Variants in ST8SIA3 observed in about 807,000 individuals in gnomAD.
ST8SIA3 encodes ST8 alpha-N-acetyl-neuraminide alpha-2,8-sialyltransferase 3.
In ST8SIA3, 17 loss-of-function variants were observed where a neutral mutation model predicts 34.5. The ratio of observed to expected loss-of-function variants is 0.49; its 90% CI spans 0.34 to 0.74. The LOEUF (loss-of-function observed/expected upper bound fraction) is 0.74. Among genes scored for constraint, ST8SIA3 ranks in the 30% least tolerant of loss-of-function variants. ST8SIA3 has a pLI of 0.01. For synonymous variants in ST8SIA3, 172 were observed against 176.1 expected (o/e 0.98, Z 0.19); for missense variants, 354 against 467.8 (o/e 0.76, Z 2.24).
Position 57,364,566 on chromosome 18 carries a change from T to C in ST8SIA3, c.*4289T>C, listed in dbSNP as rs1225906894. ...CACAAGTTTCTGTTTAAGCCTCTGC[T>C]TCTCCCTGAATGTGTAGAACTGTCA... is the stretch of plus-strand genomic sequence containing the variant. On this transcript the variant is annotated 3_prime_UTR_variant, in exon 4 of 4. Transcript: ENST00000324000. 1 of 152,270 alleles carries C rather than the reference T, an allele frequency of 6.6e-6. No individual in the cohort carries two copies. Among genetic ancestry groups the C allele is most frequent in the Non-Finnish European group, 1.5e-5 (1 of 68,046 alleles). The allele number at this position is 152,270 out of a possible 1,614,324, so 9.4% of individuals were successfully genotyped here.
Position 57,357,252 on chromosome 18 carries a change from C to G in ST8SIA3, c.642C>G (p.Ile214Met). The change falls in exon 3 of 4, where the codon ATC becomes ATG. Residue 214 changes from isoleucine (I) to methionine (M), a missense_variant. Ile to Met is a conservative substitution (Grantham distance 10). Coordinates refer to ENST00000324000, the MANE Select transcript of ST8SIA3 (RefSeq NM_015879.3). ...KTNLTTFNPS[I>M]LEKYYNNLLT... ...ATCTTACCACCTTCAACCCCAGCAT[C>G]CTGGAAAAATATTACAACAATCTCT... is the stretch of plus-strand genomic sequence containing the variant. 2 of 1,614,172 alleles carry G rather than the reference C, an allele frequency of 1.2e-6. No homozygotes were observed. The highest frequency in any genetic ancestry group is 1.7e-6 in the Non-Finnish European group (2 of 1,180,002).
rs1176066296 is a variant in ST8SIA3, at chr18:57,366,177, T to C, written c.*5900T>C. ...AATTTTTAAGTCAGTGAGTACCAAATAGGAGAGGCTAGCAGAGGCTTTGGA... is the reference window on the plus strand; with the variant it reads ...AATTTTTAAGTCAGTGAGTACCAAACAGGAGAGGCTAGCAGAGGCTTTGGA... On this transcript the variant is annotated 3_prime_UTR_variant, in exon 4 of 4. Transcript: ENST00000324000. 6.6e-6 allele frequency: 1 copy of C among 152,164 alleles called. No homozygotes were observed. Among genetic ancestry groups the C allele is most frequent in the Non-Finnish European group, 1.5e-5 (1 of 68,024 alleles). The allele number at this position is 152,164 out of a possible 1,614,324, so 9.4% of individuals were successfully genotyped here.
In ST8SIA3 at chr18:57,356,998, G is replaced by T; in HGVS notation, c.388G>T (p.Asp130Tyr). The T allele has an allele frequency of 6.2e-7, 1 of 1,613,990 alleles. No individual in the cohort carries two copies. The highest frequency in any genetic ancestry group is 2.2e-5 in the East Asian group (1 of 44,884). Residue 130 changes from aspartate (D) to tyrosine (Y), a missense_variant, in exon 3 of 4, where the codon GAT becomes TAT. Transcript: ENST00000324000. Reference protein sequence around the residue: ...SVRIGQLMHYDYSSHKYVFSI... With the variant: ...SVRIGQLMHYYYSSHKYVFSI... Reference sequence around the variant, plus strand: ...TCGGATTGGACAACTGATGCACTATGATTATTCCAGCCATAAATATGTTTT... The same window carrying T: ...TCGGATTGGACAACTGATGCACTATTATTATTCCAGCCATAAATATGTTTT...
chr18:57,361,224 T>G lies in ST8SIA3; in HGVS notation c.*947T>G, dbSNP rs2049828594. On this transcript the variant is annotated 3_prime_UTR_variant, in exon 4 of 4. Transcript: ENST00000324000. ...CTAGGCTGGGTGTTCTCTCAGAATA[T>G]AGAGGCAATGAATCAGCTTAAGACC... 6.6e-6 allele frequency: 1 copy of G among 152,184 alleles called. No homozygotes were observed. Among genetic ancestry groups the G allele is most frequent in the East Asian group, 1.9e-4 (1 of 5,188 alleles). 9.4% of individuals were successfully genotyped at this position (152,184 alleles called of 1,614,324 possible).
Position 57,360,549 on chromosome 18 carries a change from G to T in ST8SIA3, c.*272G>T. 1 of 410,114 alleles carries T rather than the reference G, an allele frequency of 2.4e-6. No individual in the cohort carries two copies. Among genetic ancestry groups the T allele is most frequent in the Non-Finnish European group, 4.4e-6 (1 of 229,178 alleles). The allele number at this position is 410,114 out of a possible 1,614,324, so 25.4% of individuals were successfully genotyped here. A position where few individuals can be genotyped will look rare whatever the true frequency, so the allele number is the denominator to read the frequency against. ...ACGAAATGGTTTGAAGTATTTTCAT[G>T]TTTGGATTTTAATAATAAACTGCCT... On this transcript the variant is annotated 3_prime_UTR_variant, in exon 4 of 4. Coordinates refer to ENST00000324000, the MANE Select transcript of ST8SIA3 (RefSeq NM_015879.3).
At position 57,362,497 on chromosome 18, in the gene ST8SIA3, C is replaced by A. The variant is rs796338629; in HGVS notation, c.*2220C>A. 3.9e-5 allele frequency: 6 copies of A among 152,134 alleles called. No homozygotes were observed. Among genetic ancestry groups the A allele is most frequent in the Non-Finnish European group, 8.8e-5 (6 of 68,034 alleles). The allele number at this position is 152,134 out of a possible 1,614,324, so 9.4% of individuals were successfully genotyped here. ...AAACAGTTTACTGTTCTGTAGTGGA[C>A]AATTTAAATTTTATCTCATCATAAT... On this transcript the variant is annotated 3_prime_UTR_variant, in exon 4 of 4. Coordinates refer to ENST00000324000, the MANE Select transcript of ST8SIA3 (RefSeq NM_015879.3).
At chr18:57,358,759 CAA>C (rs1469189574) in intron 3 of ST8SIA3, among the ~76,000 whole-genome samples, 1 of 152,138 alleles carries the variant, frequency 6.6e-6, no homozygotes, top group Non-Finnish European at 1.5e-5. Flanking sequence ...GTTATTTACC[CAA>C]AGTCACTGCC....
chr18:57,354,426 A>G lies in ST8SIA3; in HGVS notation c.204A>G (p.Leu68=). The change falls in exon 2 of 4, where the codon CTA becomes CTG. Residue 68 remains leucine (L), a synonymous_variant. Transcript: ENST00000324000. ...GGTCACAATTTGCGCTGAAGTTTCT[A>G]GACCCGTCATTCGTGCCCATTACGA... is the stretch of plus-strand genomic sequence containing the variant. ...GFRSQFALKF[L]DPSFVPITNS... 6.2e-7 allele frequency: 1 copy of G among 1,614,172 alleles called. No individual in the cohort carries two copies. The highest frequency in any genetic ancestry group is 8.5e-7 in the Non-Finnish European group (1 of 1,180,012).
intron 3 of ST8SIA3, among the ~76,000 whole-genome samples, 169 bp from the exon 4 acceptor site, chr18:57,359,826 G>A (rs1415378486): frequency 6.6e-6 from 1 of 152,154 alleles, no homozygotes; most frequent in African/African-American, 2.4e-5. Context: ...CACAAATTAT[G>A]TAACCAGTTG....
At chr18:57,359,289 C>G (rs2049816113) in intron 3 of ST8SIA3, among the ~76,000 whole-genome samples, 1 of 152,080 alleles carries the variant, frequency 6.6e-6, no homozygotes, top group African/African-American at 2.4e-5. Context: ...GGACTAATAA[C>G]TATAATTTAT....
At chr18:57,356,776 C>T (rs2049800012) in intron 2 of ST8SIA3, 137 bp from the exon 3 acceptor site, 2 of 612,942 alleles carry the variant, frequency 3.3e-6, no homozygotes, top group Admixed American at 3.1e-5. Context: ...CTTCAAGGAC[C>T]ACAATTATGT....
intron 1 of ST8SIA3, 61 bp from the exon 2 acceptor site, chr18:57,354,341 G>A: frequency 1.2e-6 from 2 of 1,606,436 alleles, no homozygotes; most frequent in South Asian, 2.2e-5. Context: ...CACTTTAATG[G>A]CTACCTCGGC....
rs2049833762 is a variant in ST8SIA3 at position 57,361,968 on chromosome 18, T to C, written c.*1691T>C. 6.6e-6 allele frequency: 1 copy of C among 152,222 alleles called. No individual in the cohort carries two copies. Among genetic ancestry groups the C allele is most frequent in the Admixed American group, 6.5e-5 (1 of 15,284 alleles). 9.4% of individuals were successfully genotyped at this position (152,222 alleles called of 1,614,324 possible). A position where few individuals can be genotyped will look rare whatever the true frequency, so the allele number is the denominator to read the frequency against. ...ATATGGTAAGGAAAGACACTATCGT[T>C]ATGCTCACGTTCTGCCTGGTCCTAA... On this transcript the variant is annotated 3_prime_UTR_variant, in exon 4 of 4. Transcript: ENST00000324000.
chr18:57,357,974 GAAGA>G (rs1568101622), intron 3 of ST8SIA3, among the ~76,000 whole-genome samples: 1 of 152,186 alleles, frequency 6.6e-6, no homozygotes, highest in African/African-American at 2.4e-5. Flanking sequence ...GCAAAAACAT[GAAGA>G]AAGTATTTTA....
intron 1 of ST8SIA3, among the ~76,000 whole-genome samples, chr18:57,353,497 C>T (rs1000572476): frequency 5.3e-5 from 8 of 152,292 alleles, no homozygotes; most frequent in African/African-American, 1.7e-4. Flanking sequence ...TCCTCCTTTA[C>T]TCCCCCACGC....
At position 57,367,176 on chromosome 18, in the gene ST8SIA3, C is replaced by T; in HGVS notation, c.*6899C>T. The stretch of plus-strand genomic sequence containing the variant: ...ATTAGATCATGAAGGACCAAATCTA[C>T]TTCCGTTGCTATAATAAAATACCCT... On this transcript the variant is annotated 3_prime_UTR_variant, in exon 4 of 4. Transcript: ENST00000324000. The T allele has an allele frequency of 6.6e-6, 1 of 152,220 alleles. No homozygotes were observed. The highest frequency in any genetic ancestry group is 1.9e-4 in the East Asian group (1 of 5,204). 9.4% of individuals were successfully genotyped at this position (152,220 alleles called of 1,614,324 possible). A position where few individuals can be genotyped will look rare whatever the true frequency, so the allele number is the denominator to read the frequency against.
In ST8SIA3 at chr18:57,352,838, C is replaced by G. The variant is rs1225942927; in HGVS notation, c.-9C>G. On this transcript the variant is annotated 5_prime_UTR_variant, in exon 1 of 4. Coordinates refer to ENST00000324000, the MANE Select transcript of ST8SIA3 (RefSeq NM_015879.3). ...TTCCCCGGTTTCCCTGAACCCAGCC[C>G]AGCCCGGGATGAGAAACTGCAAAAT... 6.2e-7 allele frequency: 1 copy of G among 1,612,916 alleles called. No homozygotes were observed. The highest frequency in any genetic ancestry group is 8.5e-7 in the Non-Finnish European group (1 of 1,179,820).
rs1343965435 is a variant in ST8SIA3, at chr18:57,361,253, G to T, written c.*976G>T. ...GGCAATGAATCAGCTTAAGACCCTGGGACACACAAAGGAAAAGGAAGAAGA... is the reference window on the plus strand; with the variant it reads ...GGCAATGAATCAGCTTAAGACCCTGTGACACACAAAGGAAAAGGAAGAAGA... On this transcript the variant is annotated 3_prime_UTR_variant, in exon 4 of 4. Transcript: ENST00000324000. 6.6e-6 allele frequency: 1 copy of T among 152,148 alleles called. No individual in the cohort carries two copies. The highest frequency in any genetic ancestry group is 1.5e-5 in the Non-Finnish European group (1 of 68,070). 9.4% of individuals were successfully genotyped at this position (152,148 alleles called of 1,614,324 possible).
chr18:57,353,024 C>T lies in ST8SIA3; in HGVS notation c.178C>T (p.Arg60Trp), dbSNP rs1242789707. ...AATGTACATGTTCCACGCGGGATTCCGGTGAGTGCGGGCCTCTGTGTTAGT... is the reference window on the plus strand; with the variant it reads ...AATGTACATGTTCCACGCGGGATTCTGGTGAGTGCGGGCCTCTGTGTTAGT... ...PRMYMFHAGF[R>W]SQFALKFLDP... The change falls in exon 1 of 4, where the codon CGG becomes TGG. Residue 60 changes from arginine (R) to tryptophan (W), a missense_variant and splice_region_variant. This residue lies in a region of ST8SIA3 where 184 missense variants were observed against 205.4 expected (regional missense o/e 0.90). Transcript: ENST00000324000. 1.9e-6 allele frequency: 3 copies of T among 1,605,976 alleles called. No homozygotes were observed. Among genetic ancestry groups the T allele is most frequent in the Non-Finnish European group, 2.5e-6 (3 of 1,179,820 alleles).
Sources: gnomAD v4.1 joint callset for allele counts (sites outside exome capture counted in the v4.1 genomes callset) on GRCh38, gnomAD v4.1.1 for gene constraint, gnomAD v4.1.1 regional missense constraint, MANE v1.5 for transcripts, NCBI Gene and HGNC (gene_info 2026-07-23, HGNC 2026-07-21) for gene names.